Variants in HS6ST3 observed in about 807,000 individuals in gnomAD.
HS6ST3 encodes the protein heparan-sulfate 6-O-sulfotransferase 3.
A neutral mutation model predicts 36.7 loss-of-function variants in HS6ST3; 12 were observed. The observed-to-expected ratio is 0.33, with a 90% CI of 0.21 to 0.53. The LOEUF (loss-of-function observed/expected upper bound fraction) is 0.53, where lower values mean the gene tolerates loss of function less well. Among genes scored for constraint, HS6ST3 ranks in the 20% least tolerant of loss-of-function variants. The pLI, the probability that HS6ST3 is intolerant of heterozygous loss-of-function variation, is 0.95. For missense variants in HS6ST3, 584 were observed against 640.9 expected, an observed-to-expected ratio of 0.91 and a Z score of 0.96; for synonymous variants, 240 against 257.5, an observed-to-expected ratio of 0.93 and a Z score of 0.65.
chr13:96,449,417 G>C (rs888656383), intron 1 of HS6ST3, among the ~76,000 whole-genome samples: 3 of 152,152 alleles, frequency 2.0e-5, no homozygotes, highest in African/African-American at 7.2e-5. Context: ...TCTGCTACCA[G>C]TCTGATGATT....
At chr13:96,477,575 T>C (rs1442707165) in intron 1 of HS6ST3, among the ~76,000 whole-genome samples, 1 of 151,958 alleles carries the variant, frequency 6.6e-6, no homozygotes, top group Non-Finnish European at 1.5e-5. Context: ...CAAAACAAAA[T>C]ACTGTGTTAC....
intron 1 of HS6ST3, among the ~76,000 whole-genome samples, chr13:96,540,204 C>T (rs1231054215): frequency 6.6e-6 from 1 of 152,238 alleles, no homozygotes; most frequent in East Asian, 1.9e-4. Flanking sequence ...ACCCACCTAA[C>T]TCTTTGGCAA....
At chr13:96,741,064 T>A (rs1046694674) in intron 1 of HS6ST3, among the ~76,000 whole-genome samples, 2 of 152,200 alleles carry the variant, frequency 1.3e-5, no homozygotes, top group Non-Finnish European at 2.9e-5. Context: ...AATCCATTCT[T>A]TATTATTTCT....
chr13:96,373,514 T>G (rs1157395568), intron 1 of HS6ST3, among the ~76,000 whole-genome samples: 1 of 152,192 alleles, frequency 6.6e-6, no homozygotes, highest in African/African-American at 2.4e-5. Flanking sequence ...TGATTGTTAC[T>G]TAAATAATTT....
intron 1 of HS6ST3, among the ~76,000 whole-genome samples, chr13:96,756,114 T>C (rs2138496186): frequency 6.6e-6 from 1 of 152,352 alleles, no homozygotes; most frequent in South Asian, 2.1e-4. Flanking sequence ...GCCATGTGTA[T>C]ATATCTTCTC....
At chr13:96,708,987 C>G (rs1875496226) in intron 1 of HS6ST3, among the ~76,000 whole-genome samples, 1 of 152,140 alleles carries the variant, frequency 6.6e-6, no homozygotes, top group African/African-American at 2.4e-5. Context: ...TGATTTGGCT[C>G]TGTGTCCCCA....
chr13:96,094,588 G>A (rs189540616), intron 1 of HS6ST3, among the ~76,000 whole-genome samples: 5 of 152,308 alleles, frequency 3.3e-5, no homozygotes, highest in Middle Eastern at 3.4e-3. Context: ...TATACATTCC[G>A]TTGGTAACAC....
chr13:96,618,881 A>G (rs1478382342), intron 1 of HS6ST3, among the ~76,000 whole-genome samples: 3 of 152,158 alleles, frequency 2.0e-5, no homozygotes, highest in African/African-American at 7.2e-5. Flanking sequence ...ACAAAACTTG[A>G]GTGCCAAGGG....
At chr13:96,485,983 T>C (rs1333378082) in intron 1 of HS6ST3, among the ~76,000 whole-genome samples, 1 of 151,678 alleles carries the variant, frequency 6.6e-6, no homozygotes, top group Non-Finnish European at 1.5e-5. Context: ...CATTTAACAT[T>C]AGGTATATCT....
At chr13:96,410,863 A>G (rs2055504069) in intron 1 of HS6ST3, among the ~76,000 whole-genome samples, 1 of 151,970 alleles carries the variant, frequency 6.6e-6, no homozygotes, top group Non-Finnish European at 1.5e-5. Context: ...TGGAGGGTAT[A>G]TTTTCCAAAT....
intron 1 of HS6ST3, among the ~76,000 whole-genome samples, chr13:96,580,213 TA>T (rs1291575482): frequency 6.8e-6 from 1 of 148,018 alleles, no homozygotes; most frequent in Admixed American, 6.8e-5. Flanking sequence ...TATATATATA[TA>T]TATATATATA....
At chr13:96,191,469 T>G (rs1369691302) in intron 1 of HS6ST3, among the ~76,000 whole-genome samples, 1 of 152,240 alleles carries the variant, frequency 6.6e-6, no homozygotes, top group Non-Finnish European at 1.5e-5. Flanking sequence ...TGCATTCTGT[T>G]TCTTCTCCAT....
At chr13:96,539,430 A>G (rs1444915886) in intron 1 of HS6ST3, among the ~76,000 whole-genome samples, 2 of 151,922 alleles carry the variant, frequency 1.3e-5, no homozygotes, top group East Asian at 3.9e-4. Context: ...ATCTCCACTC[A>G]CTGCAACCTC....
chr13:96,574,293 G>C (rs1159664963), intron 1 of HS6ST3: 11 of 383,876 alleles, frequency 2.9e-5, no homozygotes, highest in African/African-American at 2.3e-4. Flanking sequence ...AAGGAAAAAG[G>C]CATCAAACGT....
intron 1 of HS6ST3, among the ~76,000 whole-genome samples, chr13:96,702,644 T>C (rs72645508): frequency 2.2e-4 from 34 of 152,300 alleles, no homozygotes; most frequent in Non-Finnish European, 4.7e-4. Flanking sequence ...ACAAAGTGAA[T>C]TGCTTGCAGG....
At chr13:96,821,693 C>A (rs1003733488) in intron 1 of HS6ST3, among the ~76,000 whole-genome samples, 3 of 152,132 alleles carry the variant, frequency 2.0e-5, no homozygotes, top group Non-Finnish European at 4.4e-5. Context: ...CAGAGACAAT[C>A]TTTGTTTGAG....
At chr13:96,484,545 T>G (rs2138900474) in intron 1 of HS6ST3, among the ~76,000 whole-genome samples, 1 of 152,304 alleles carries the variant, frequency 6.6e-6, no homozygotes, top group Non-Finnish European at 1.5e-5. Context: ...ATTGTACTCT[T>G]TGCTTCTGCA....
intron 1 of HS6ST3, among the ~76,000 whole-genome samples, chr13:96,174,058 T>C (rs2054201497): frequency 6.6e-6 from 1 of 152,186 alleles, no homozygotes; most frequent in Non-Finnish European, 1.5e-5. Context: ...TGTCAGTTCC[T>C]TGGTGCTCTG....
chr13:96,212,632 G>A (rs2054404492), intron 1 of HS6ST3, among the ~76,000 whole-genome samples: 1 of 152,178 alleles, frequency 6.6e-6, no homozygotes, highest in Non-Finnish European at 1.5e-5. Flanking sequence ...TTGAAGCTAG[G>A]AGTTTGAGGT....
Sources: allele counts gnomAD v4.1 joint callset (sites outside exome capture counted in the v4.1 genomes callset), GRCh38; gene constraint gnomAD v4.1.1; transcripts MANE v1.5; gene names NCBI Gene and HGNC (gene_info 2026-07-23, HGNC 2026-07-21).